The following AFF1 variants were observed in gnomAD, a reference collection of about 807,000 sequenced individuals.
AFF1 encodes ALF transcription elongation factor 1.
A neutral mutation model predicts 121.7 loss-of-function variants in AFF1; 48 were observed. The observed-to-expected ratio is 0.39, with a 90% CI of 0.31 to 0.50. AFF1 has a LOEUF of 0.50. Ranked by LOEUF, AFF1 falls within the 20% of genes least tolerant of loss-of-function variation. The pLI is 0.76. For missense variants in AFF1, 1,523 were observed against 1,511.7 expected (o/e 1.01, Z -0.12); for synonymous variants, 613 against 563.0 (o/e 1.09, Z -1.26).
chr4:86,944,711 C>G lies in AFF1; in HGVS notation c.-36-3787C>G, dbSNP rs559342739. Among the ~76,000 whole-genome samples the G allele has an allele frequency of 7.9e-5, 12 of 152,232 alleles. No individual in the cohort carries two copies. The South Asian group carries it at 2.5e-3, about 32-fold the overall frequency. ...TGGTAAAGACTCTTGAGAGTAGGTT[C>G]CCCAGAGTGTACTAGGTTTGGAAGC... is the stretch of plus-strand genomic sequence containing the variant. On this transcript the variant is annotated intron_variant, in intron 1 of 20. Transcript: ENST00000395146.
At chr4:87,108,067 G>A (rs960300185) in intron 10 of AFF1, 92 bp from the exon 11 acceptor site, 23 of 1,433,900 alleles carry the variant, frequency 1.6e-5, no homozygotes, top group Non-Finnish European at 2.2e-5. Context: ...ACCAAGGCCC[G>A]CCCTTTTGAG....
chr4:87,132,454 C>T (rs777901864), intron 19 of AFF1, 46 bp downstream of exon 19: 2 of 1,544,686 alleles, frequency 1.3e-6, no homozygotes, highest in East Asian at 4.8e-5. Context: ...TGAGTCATTT[C>T]TTTATTTACT....
intron 2 of AFF1, among the ~76,000 whole-genome samples, chr4:87,024,846 G>A (rs1301256175): frequency 1.3e-5 from 2 of 152,134 alleles, no homozygotes; most frequent in Non-Finnish European, 2.9e-5. Context: ...CACCCGCCTC[G>A]GCCTCCCAAA....
At position 87,105,982 on chromosome 4, in the gene AFF1, C is replaced by T; in HGVS notation, c.1376+137C>T. On this transcript the variant is annotated intron_variant, in intron 10 of 20. Transcript: ENST00000395146. ...AAGGATCACAGTAAAAGGAAAGTAC[C>T]TGTTTAATATTTTGGAAGCTTAAAT... The T allele has an allele frequency of 6.2e-6, 7 of 1,121,220 alleles. No homozygotes were observed. In the South Asian group the frequency reaches 9.6e-5, roughly 15 times the overall value. 69.5% of individuals were successfully genotyped at this position (1,121,220 alleles called of 1,614,324 possible).
At chr4:87,006,823 C>A (rs1002794251) in intron 2 of AFF1, among the ~76,000 whole-genome samples, 1 of 152,214 alleles carries the variant, frequency 6.6e-6, no homozygotes, top group Non-Finnish European at 1.5e-5. Context: ...CAGGGCTTGT[C>A]GGCGCCCAGG....
At chr4:86,993,033 T>A (rs967669911) in intron 2 of AFF1, among the ~76,000 whole-genome samples, 1 of 152,218 alleles carries the variant, frequency 6.6e-6, no homozygotes, top group Non-Finnish European at 1.5e-5. Context: ...AAATGTTGAT[T>A]TGATTTAGTT....
chr4:86,943,751 G>A (rs1251233364), intron 1 of AFF1, among the ~76,000 whole-genome samples: 1 of 152,000 alleles, frequency 6.6e-6, no homozygotes, highest in Non-Finnish European at 1.5e-5. Flanking sequence ...CCTGAGGTCG[G>A]GAGTTTGAGA....
At position 87,017,101 on chromosome 4, in the gene AFF1, G is replaced by GT. The variant is rs66466780; in HGVS notation, c.39-29045dup. On this transcript the variant is annotated intron_variant, in intron 2 of 20. Coordinates refer to ENST00000395146, the MANE Select transcript of AFF1 (RefSeq NM_001166693.3). Reference sequence around the variant, plus strand: ...TGTGTGTGTATGTGTATATATATGTGTTTTTTTTTTTTTTTTTTTTGGTTG... The same window carrying GT: ...TGTGTGTGTATGTGTATATATATGTGTTTTTTTTTTTTTTTTTTTTTGGTTG... 4.8e-3 allele frequency among the ~76,000 whole-genome samples: 514 copies of GT among 106,312 alleles called. 6 individuals carry two copies. The highest frequency in any genetic ancestry group is 0.013 in the Middle Eastern group (2 of 158). 69.7% of individuals were successfully genotyped at this position (106,312 alleles called of 152,430 possible). A position where few individuals can be genotyped will look rare whatever the true frequency, so the allele number is the denominator to read the frequency against.
chr4:86,967,976 G>A (rs1011157943), intron 2 of AFF1, among the ~76,000 whole-genome samples: 10 of 152,150 alleles, frequency 6.6e-5, no homozygotes, highest in Admixed American at 2.6e-4. Flanking sequence ...CTTGAACTAC[G>A]TAGCAACTTA....
intron 11 of AFF1, among the ~76,000 whole-genome samples, chr4:87,112,923 A>C (rs557015338): frequency 6.6e-6 from 1 of 152,318 alleles, no homozygotes; most frequent in South Asian, 2.1e-4. Flanking sequence ...TCACTCTGTT[A>C]GACACTAATA....
At chr4:86,973,330 T>A (rs932829242) in intron 2 of AFF1, among the ~76,000 whole-genome samples, 3 of 152,166 alleles carry the variant, frequency 2.0e-5, no homozygotes, top group Non-Finnish European at 4.4e-5. Flanking sequence ...GCCTTTTGTA[T>A]AAGGGGGCAG....
chr4:87,127,833 G>C, intron 16 of AFF1, 130 bp downstream of exon 16: 1 of 894,752 alleles, frequency 1.1e-6, no homozygotes, highest in South Asian at 1.6e-5. Context: ...TGCAGCAGGC[G>C]CAGGAGAAAG....
intron 2 of AFF1, among the ~76,000 whole-genome samples, chr4:86,965,893 A>G (rs1205354126): frequency 6.6e-6 from 1 of 152,246 alleles, no homozygotes; most frequent in African/African-American, 2.4e-5. Flanking sequence ...GACAAGATGC[A>G]TTAAACTTCC....
intron 2 of AFF1, among the ~76,000 whole-genome samples, chr4:87,005,305 T>C (rs1432683034): frequency 5.9e-5 from 9 of 152,206 alleles, no homozygotes; most frequent in East Asian, 1.9e-4. Context: ...TGTTATACCA[T>C]TGGTCATTTC....
intron 2 of AFF1, among the ~76,000 whole-genome samples, chr4:86,948,795 T>TA (rs1459118359): frequency 6.6e-6 from 1 of 152,192 alleles, no homozygotes; most frequent in Non-Finnish European, 1.5e-5. Context: ...TCATTTTTTT[T>TA]AAAAATGTGG....
chr4:87,111,031 G>A (rs1726465778), intron 11 of AFF1, among the ~76,000 whole-genome samples: 1 of 23,044 alleles, frequency 4.3e-5, no homozygotes, highest in South Asian at 7.7e-4. Flanking sequence ...TTTTTGAGAC[G>A]GAGTCTCGCT....
intron 2 of AFF1, among the ~76,000 whole-genome samples, chr4:87,014,351 A>T (rs1423477144): frequency 3.3e-5 from 5 of 152,220 alleles, no homozygotes; most frequent in Non-Finnish European, 5.9e-5. Context: ...AAAAGTTAAA[A>T]TGGTGTGAAT....
intron 2 of AFF1, chr4:86,950,156 A>T: frequency 6.9e-7 from 1 of 1,450,286 alleles, no homozygotes; most frequent in Non-Finnish European, 9.7e-7. Context: ...GACAAGGCAG[A>T]TGCTGCCCAT....
chr4:86,948,438 C>A, intron 1 of AFF1, 60 bp from the exon 2 acceptor site: 1 of 1,141,406 alleles, frequency 8.8e-7, no homozygotes, highest in East Asian at 2.6e-5. Context: ...ACAGGTCATG[C>A]GTATCCCTGA....
Sources: allele counts gnomAD v4.1 joint callset (sites outside exome capture counted in the v4.1 genomes callset), GRCh38; gene constraint gnomAD v4.1.1; transcripts MANE v1.5; gene names NCBI Gene and HGNC (gene_info 2026-07-23, HGNC 2026-07-21).